CADM2: variants seen among roughly 807,000 people sequenced by gnomAD.
CADM2 encodes the protein cell adhesion molecule 2.
A neutral mutation model predicts 49.8 loss-of-function variants in CADM2; 12 were observed. The observed-to-expected ratio is 0.24, with a 90% CI of 0.15 to 0.39. The LOEUF (loss-of-function observed/expected upper bound fraction) is 0.39. CADM2 is among the 10% of genes least tolerant of loss of function. The pLI is 1.00. For missense variants in CADM2, 378 were observed against 492.3 expected (o/e 0.77, Z 2.20); for synonymous variants, 214 against 175.4 (o/e 1.22, Z -1.74).
chr3:85,451,017 G>A (rs776255516), intron 1 of CADM2, among the ~76,000 whole-genome samples: 24 of 151,994 alleles, frequency 1.6e-4, no homozygotes, highest in African/African-American at 4.3e-4. Context: ...ATGTTTTTGC[G>A]TCTTTTCATC....
chr3:85,730,141 C>A (rs1368198810), intron 2 of CADM2, among the ~76,000 whole-genome samples: 2 of 152,032 alleles, frequency 1.3e-5, no homozygotes, highest in East Asian at 3.9e-4. Flanking sequence ...AATCCTTATT[C>A]TTTGAATCTC....
chr3:85,370,215 AAAT>A (rs142588684), intron 1 of CADM2, among the ~76,000 whole-genome samples: 14,527 of 135,036 alleles, frequency 0.11, 827 homozygotes, highest in African/African-American at 0.16. Flanking sequence ...CTCCTTTTCA[AAAT>A]AATAATAATA....
At chr3:85,804,527 T>G (rs1366284976) in intron 3 of CADM2, among the ~76,000 whole-genome samples, 1 of 152,130 alleles carries the variant, frequency 6.6e-6, no homozygotes, top group Non-Finnish European at 1.5e-5. Flanking sequence ...AATCTCCACT[T>G]TATAACAACA....
intron 1 of CADM2, among the ~76,000 whole-genome samples, chr3:85,360,146 A>G (rs960943975): frequency 6.6e-6 from 1 of 152,030 alleles, no homozygotes; most frequent in Non-Finnish European, 1.5e-5. Flanking sequence ...AGAGACTTCA[A>G]TACATAAGCA....
intron 1 of CADM2, among the ~76,000 whole-genome samples, chr3:85,578,613 A>G (rs987023403): frequency 5.9e-5 from 9 of 152,232 alleles, no homozygotes; most frequent in African/African-American, 1.2e-4. Flanking sequence ...TTCTTCATGA[A>G]ACAGCATCAT....
At chr3:85,962,784 T>C (rs1449881848) in intron 8 of CADM2, among the ~76,000 whole-genome samples, 1 of 151,960 alleles carries the variant, frequency 6.6e-6, no homozygotes, top group African/African-American at 2.4e-5. Flanking sequence ...AGAAAACTTT[T>C]CTGGGACTAG....
chr3:85,920,938 A>G (rs550584922), intron 6 of CADM2, among the ~76,000 whole-genome samples: 1 of 151,874 alleles, frequency 6.6e-6, no homozygotes, highest in South Asian at 2.1e-4. Flanking sequence ...CGCATTTATA[A>G]AACTTTTTGG....
At chr3:85,206,431 C>T (rs1012332207) in intron 1 of CADM2, among the ~76,000 whole-genome samples, 30 of 151,722 alleles carry the variant, frequency 2.0e-4, no homozygotes, top group Admixed American at 1.7e-3. Flanking sequence ...CCTCAGCCTC[C>T]CGAGTAGCTG....
chr3:85,837,033 A>G (rs1205390001), intron 3 of CADM2, among the ~76,000 whole-genome samples: 3 of 151,618 alleles, frequency 2.0e-5, no homozygotes, highest in East Asian at 1.9e-4. Context: ...TCCATACGAT[A>G]TAGTTCAATG....
At chr3:85,425,452 A>T (rs914668945) in intron 1 of CADM2, among the ~76,000 whole-genome samples, 1 of 152,212 alleles carries the variant, frequency 6.6e-6, no homozygotes, top group South Asian at 2.1e-4. Flanking sequence ...TGATCAAATC[A>T]GGTAATTAAC....
chr3:85,211,908 C>A (rs905074462), intron 1 of CADM2, among the ~76,000 whole-genome samples: 2 of 152,042 alleles, frequency 1.3e-5, no homozygotes, highest in African/African-American at 4.8e-5. Context: ...GTTTTGGGGT[C>A]TGTCCCTCTC....
At chr3:85,465,393 T>G (rs1260314516) in intron 1 of CADM2, among the ~76,000 whole-genome samples, 1 of 152,164 alleles carries the variant, frequency 6.6e-6, no homozygotes, top group African/African-American at 2.4e-5. Context: ...AAGTACATTT[T>G]GATGAACAAA....
chr3:85,147,591 A>G (rs1481788045), intron 1 of CADM2, among the ~76,000 whole-genome samples: 2 of 152,054 alleles, frequency 1.3e-5, no homozygotes, highest in Non-Finnish European at 2.9e-5. Flanking sequence ...TATGCTGACA[A>G]TTTTCTTAAT....
At chr3:85,302,466 T>C (rs2044124395) in intron 1 of CADM2, among the ~76,000 whole-genome samples, 1 of 151,836 alleles carries the variant, frequency 6.6e-6, no homozygotes, top group African/African-American at 2.4e-5. Context: ...AGAATTAAAA[T>C]AAGAGTTTGC....
chr3:85,628,524 T>TAC lies in CADM2; in HGVS notation c.62-97992_62-97991dup, dbSNP rs772488685. On this transcript the variant is annotated intron_variant, in intron 1 of 9. Transcript: ENST00000383699. The stretch of plus-strand genomic sequence containing the variant: ...CCTCTCCCATATACATATATATATA[T>TAC]ACACACATATATATACACATATATA... Among the ~76,000 whole-genome samples the TAC allele has an allele frequency of 7.6e-3, 772 of 101,026 alleles. 20 individuals are homozygous for TAC. The highest frequency in any genetic ancestry group is 4.7e-3 in the Non-Finnish European group (227 of 48,746). 66.3% of individuals were successfully genotyped at this position (101,026 alleles called of 152,430 possible).
At chr3:85,053,167 C>T (rs2035950301) in intron 1 of CADM2, among the ~76,000 whole-genome samples, 1 of 151,862 alleles carries the variant, frequency 6.6e-6, no homozygotes, top group Non-Finnish European at 1.5e-5. Flanking sequence ...ATAATGAAGG[C>T]TAAAATGTTC....
intron 1 of CADM2, among the ~76,000 whole-genome samples, chr3:85,541,789 A>ATATATATATATATATATATATATG (rs1559897779): frequency 4.2e-5 from 6 of 141,488 alleles, no homozygotes; most frequent in African/African-American, 1.6e-4. Context: ...ATATATATAT[A>ATATATATATATATATATATATATG]TATATGTATA....
intron 1 of CADM2, among the ~76,000 whole-genome samples, chr3:85,405,270 G>A (rs2107452098): frequency 6.6e-6 from 1 of 152,186 alleles, no homozygotes; most frequent in Non-Finnish European, 1.5e-5. Flanking sequence ...GCCTGACCTA[G>A]CATTATTGAT....
At chr3:84,966,319 T>A (rs2030977376) in intron 1 of CADM2, among the ~76,000 whole-genome samples, 1 of 152,090 alleles carries the variant, frequency 6.6e-6, no homozygotes, top group South Asian at 2.1e-4. Flanking sequence ...TTTAAGTATG[T>A]CATTATTTTT....
Sources: allele counts gnomAD v4.1 joint callset (sites outside exome capture counted in the v4.1 genomes callset), GRCh38; gene constraint gnomAD v4.1.1; transcripts MANE v1.5; gene names NCBI Gene and HGNC (gene_info 2026-07-23, HGNC 2026-07-21).